Variants in LARP1B observed in about 807,000 individuals in gnomAD.
LARP1B encodes the protein La ribonucleoprotein 1B, also known as la-related protein 1B.
A neutral mutation model predicts 114.2 loss-of-function variants in LARP1B; 76 were observed. The ratio of observed to expected loss-of-function variants is 0.67; its 90% CI spans 0.55 to 0.81. LARP1B has a LOEUF of 0.81. Among genes scored for constraint, LARP1B ranks in the 30% least tolerant of loss-of-function variants. LARP1B has a pLI of 0.00. For synonymous variants in LARP1B, 345 were observed against 348.0 expected (o/e 0.99, Z 0.10); for missense variants, 1,014 against 1,075.8 (o/e 0.94, Z 0.80).
intron 12 of LARP1B, among the ~76,000 whole-genome samples, chr4:128,169,514 A>G (rs866474104): frequency 2.6e-5 from 4 of 151,970 alleles, no homozygotes; most frequent in African/African-American, 9.7e-5. Flanking sequence ...CCTGAAATCT[A>G]TTTTTTTGAA....
chr4:128,091,551 A>C (rs778828169), intron 7 of LARP1B, 39 bp downstream of exon 7: 3 of 1,490,026 alleles, frequency 2.0e-6, no homozygotes, highest in East Asian at 2.3e-5. Flanking sequence ...GGATAGCAAA[A>C]TCTGTTGCAA....
At chr4:128,137,466 TG>T (rs1221479853) in intron 11 of LARP1B, among the ~76,000 whole-genome samples, 1 of 152,192 alleles carries the variant, frequency 6.6e-6, no homozygotes, top group African/African-American at 2.4e-5. Context: ...TTATATTTGA[TG>T]TTGCTGCTTA....
chr4:128,068,084 G>A (rs1178583400), intron 1 of LARP1B, among the ~76,000 whole-genome samples: 2 of 152,108 alleles, frequency 1.3e-5, no homozygotes, highest in Admixed American at 6.6e-5. Flanking sequence ...GTTTCACCAC[G>A]TTAGCCAGGA....
At chr4:128,135,098 AAAATAAATAAATAAATAAATAAAT>A (rs71304333) in intron 11 of LARP1B, among the ~76,000 whole-genome samples, 2 of 141,568 alleles carry the variant, frequency 1.4e-5, no homozygotes, top group South Asian at 2.3e-4. Context: ...ACTTCATCTC[AAAATAAATAAATAAATAAATAAAT>A]AAATAAATAA....
intron 11 of LARP1B, among the ~76,000 whole-genome samples, chr4:128,152,730 A>G (rs1483548995): frequency 6.6e-6 from 1 of 151,616 alleles, no homozygotes; most frequent in African/African-American, 2.4e-5. Context: ...ATGGATTTCT[A>G]TCCATTCTTG....
At chr4:128,190,145 G>C (rs1751750223) in intron 15 of LARP1B, among the ~76,000 whole-genome samples, 1 of 152,140 alleles carries the variant, frequency 6.6e-6, no homozygotes, top group Non-Finnish European at 1.5e-5. Context: ...TTTTGTCTAG[G>C]AAAGACTTTA....
At chr4:128,220,751 A>G (rs1759952764) in intron 7 of LARP1B, among the ~76,000 whole-genome samples, 1 of 152,224 alleles carries the variant, frequency 6.6e-6, no homozygotes, top group Non-Finnish European at 1.5e-5. Flanking sequence ...CAAAGCAAGC[A>G]GATTTTAAGG....
chr4:128,101,812 C>G (rs1412960218), intron 8 of LARP1B, among the ~76,000 whole-genome samples: 1 of 152,092 alleles, frequency 6.6e-6, no homozygotes, highest in Non-Finnish European at 1.5e-5. Context: ...TGCCATTGTG[C>G]TATAGCAAAG....
intron 11 of LARP1B, chr4:128,156,082 A>C: frequency 6.2e-7 from 1 of 1,600,156 alleles, no homozygotes; most frequent in Non-Finnish European, 8.5e-7. Context: ...TTTCACCCCC[A>C]GCCTGGTCTT....
At chr4:128,078,094 G>A (rs1441919562) in intron 4 of LARP1B, 132 bp downstream of exon 4, 5 of 575,244 alleles carry the variant, frequency 8.7e-6, no homozygotes, top group Non-Finnish European at 1.4e-5. Flanking sequence ...ACAATCTGCA[G>A]AGGTAACTCA....
downstream of LARP1B, among the ~76,000 whole-genome samples, chr4:128,214,092 G>A (rs927717496): frequency 1.0e-4 from 15 of 144,766 alleles, no homozygotes; most frequent in African/African-American, 3.8e-4. Context: ...GCGCTTTTCA[G>A]ACCGGCTTAA....
At chr4:128,098,770 T>G (rs1434200458) in intron 8 of LARP1B, among the ~76,000 whole-genome samples, 14 of 35,548 alleles carry the variant, frequency 3.9e-4, no homozygotes, top group African/African-American at 1.5e-3. Flanking sequence ...TATATATATT[T>G]TTTTTTTTTT....
At chr4:128,085,658 G>A (rs115530818) in intron 5 of LARP1B, among the ~76,000 whole-genome samples, 81 of 152,264 alleles carry the variant, frequency 5.3e-4, no homozygotes, top group Non-Finnish European at 9.0e-4. Context: ...ATGAGCCACC[G>A]CACTTAGCTT....
intron 15 of LARP1B, among the ~76,000 whole-genome samples, chr4:128,180,510 G>A (rs897560436): frequency 1.3e-5 from 2 of 152,204 alleles, no homozygotes; most frequent in African/African-American, 4.8e-5. Flanking sequence ...TAAAAAGTGT[G>A]TATGTTCTTC....
intron 11 of LARP1B, among the ~76,000 whole-genome samples, chr4:128,129,238 C>A (rs1337853525): frequency 7.0e-6 from 1 of 143,840 alleles, no homozygotes; most frequent in Non-Finnish European, 1.5e-5. Flanking sequence ...GCCTGTAGTC[C>A]CAGCTACTGG....
At chr4:128,107,424 T>C in intron 9 of LARP1B, 111 bp downstream of exon 9, 1 of 1,522,010 alleles carries the variant, frequency 6.6e-7, no homozygotes, top group Non-Finnish European at 8.8e-7. Flanking sequence ...AAATTAAAGC[T>C]AACTGAAAGA....
chr4:128,110,018 C>T (rs1323209831), intron 9 of LARP1B, among the ~76,000 whole-genome samples: 2 of 152,138 alleles, frequency 1.3e-5, no homozygotes, highest in Non-Finnish European at 2.9e-5. Flanking sequence ...ATTCTCTTGC[C>T]TCAGCCTCCC....
At chr4:128,131,134 A>G (rs572519182) in intron 11 of LARP1B, among the ~76,000 whole-genome samples, 1 of 152,320 alleles carries the variant, frequency 6.6e-6, no homozygotes. Flanking sequence ...AAACCCATAG[A>G]AAATGTACAG....
chr4:128,094,344 C>G (rs950740237), intron 7 of LARP1B, among the ~76,000 whole-genome samples: 1 of 151,540 alleles, frequency 6.6e-6, no homozygotes, highest in Non-Finnish European at 1.5e-5. Context: ...CAGATGACAG[C>G]ACTCTGATAG....
Sources: gnomAD v4.1 joint callset for allele counts (sites outside exome capture counted in the v4.1 genomes callset) on GRCh38, gnomAD v4.1.1 for gene constraint, MANE v1.5 for transcripts, NCBI Gene and HGNC (gene_info 2026-07-23, HGNC 2026-07-21) for gene names.